SOX21: variants seen among roughly 807,000 people sequenced by gnomAD.
SOX21 encodes the protein SRY-box transcription factor 21, also known as transcription factor SOX-21.
For synonymous variants in SOX21, 237 were observed against 189.7 expected (o/e 1.25, Z -2.05); for missense variants, 370 against 388.8 (o/e 0.95, Z 0.41).
chr13:94,712,261 G>C lies in SOX21; in HGVS notation c.-212C>G. On this transcript the variant is annotated 5_prime_UTR_variant, in exon 1 of 1. Coordinates refer to ENST00000376945, the MANE Select transcript of SOX21 (RefSeq NM_007084.4). This position sits in a 1 kb window ranked among gnomAD's most constrained non-coding sequence, Gnocchi z 5.0. ...CCTTAGTGTCTCCGGCCGAGCGCTC[G>C]AGCAGGTTGTCTCTGGGACACTCTA... is the stretch of plus-strand genomic sequence containing the variant. 1 of 1,218,208 alleles carries C rather than the reference G, an allele frequency of 8.2e-7. No homozygotes were observed. The highest frequency in any genetic ancestry group is 3.3e-4 in the Middle Eastern group (1 of 3,060). 75.5% of individuals were successfully genotyped at this position (1,218,208 alleles called of 1,614,324 possible).
rs1443035834 is a variant in SOX21, at chr13:94,710,758, A to G, written c.*461T>C. On this transcript the variant is annotated 3_prime_UTR_variant, in exon 1 of 1. Transcript: ENST00000376945. ...CAGACCTCACATTTGAACAGCGTGC[A>G]TGCAACACGGACCGGGAGGGGGTTG... 7.2e-6 allele frequency: 1 copy of G among 138,182 alleles called. No homozygotes were observed. The highest frequency in any genetic ancestry group is 2.7e-5 in the African/African-American group (1 of 37,730). 8.6% of individuals were successfully genotyped at this position (138,182 alleles called of 1,614,324 possible).
At position 94,711,243 on chromosome 13, in the gene SOX21, G is replaced by C. The variant is rs1257443160; in HGVS notation, c.807C>G (p.Pro269=). ...GMGKPQLDPY[P]AAYAAAL Reference sequence around the variant, plus strand: ...GTCATAGCGCGGCAGCGTAGGCCGCGGGGTAGGGGTCCAGCTGGGGCTTGC... The same window carrying C: ...GTCATAGCGCGGCAGCGTAGGCCGCCGGGTAGGGGTCCAGCTGGGGCTTGC... The change falls in exon 1 of 1, where the codon CCC becomes CCG. Residue 269 remains proline (P), a synonymous_variant. Transcript: ENST00000376945. The C allele has an allele frequency of 7.3e-7, 1 of 1,362,670 alleles. No individual in the cohort carries two copies. 84.4% of individuals were successfully genotyped at this position (1,362,670 alleles called of 1,614,324 possible).
Position 94,711,887 on chromosome 13 carries a change from G to T in SOX21, c.163C>A (p.Arg55=). 1 of 1,613,972 alleles carries T rather than the reference G, an allele frequency of 6.2e-7. No homozygotes were observed. The change falls in exon 1 of 1, where the codon CGG becomes AGG. Residue 55 remains arginine, a synonymous_variant. Coordinates refer to ENST00000376945, the MANE Select transcript of SOX21 (RefSeq NM_007084.4). ...EWKLLTESEK[R]PFIDEAKRLR... ...CGCTTGGCCTCGTCGATGAACGGCC[G>T]CTTCTCCGACTCTGTGAGCAGTTTC...
Position 94,712,159 on chromosome 13 carries a change from G to C in SOX21, c.-110C>G, listed in dbSNP as rs1875282226. 1.4e-6 allele frequency: 2 copies of C among 1,406,512 alleles called. No homozygotes were observed. The highest frequency in any genetic ancestry group is 1.8e-6 in the Non-Finnish European group (2 of 1,086,196). 87.1% of individuals were successfully genotyped at this position (1,406,512 alleles called of 1,614,324 possible). ...AGACCCGCTCGGCCGGCCGGGGCTCGTCGCGCCCCGGCGTCGCTCCCGCCC... is the reference window on the plus strand; with the variant it reads ...AGACCCGCTCGGCCGGCCGGGGCTCCTCGCGCCCCGGCGTCGCTCCCGCCC... On this transcript the variant is annotated 5_prime_UTR_variant, in exon 1 of 1. Transcript: ENST00000376945. The surrounding 1 kb of genome is among the most constrained non-coding windows in gnomAD (Gnocchi z 5.0).
rs1230248131 is a variant in SOX21, at chr13:94,710,042, TGA to T, written c.*1175_*1176del. 2 of 152,140 alleles carry T rather than the reference TGA, an allele frequency of 1.3e-5. No homozygotes were observed. The highest frequency in any genetic ancestry group is 2.1e-4 in the South Asian group (1 of 4,826). 9.4% of individuals were successfully genotyped at this position (152,140 alleles called of 1,614,324 possible). ...TTGGGAGAGAAATGCTAGCTGAAAA[TGA>T]GAGACATCTGTTGAAACAATTCTGT... On this transcript the variant is annotated 3_prime_UTR_variant, in exon 1 of 1. Transcript: ENST00000376945.
chr13:94,711,504 G>C lies in SOX21; in HGVS notation c.546C>G (p.Ile182Met), dbSNP rs1250102263. ...LLDLGSKMAE[I>M]SSSSSGLPYA... ...ACGGGAGGCCGGACGAGGACGACGA[G>C]ATCTCTGCCATTTTGGAGCCCAGGT... Residue 182 changes from isoleucine (I) to methionine (M), a missense_variant, in exon 1 of 1, where the codon ATC becomes ATG. Physicochemically the swap from Ile to Met is conservative, Grantham distance 10 (BLOSUM62 1). Transcript: ENST00000376945. 1 of 1,033,120 alleles carries C rather than the reference G, an allele frequency of 9.7e-7. No individual in the cohort carries two copies. The highest frequency in any genetic ancestry group is 8.4e-5 in the East Asian group (1 of 11,866). 64.0% of individuals were successfully genotyped at this position (1,033,120 alleles called of 1,614,324 possible). A position where few individuals can be genotyped will look rare whatever the true frequency, so the allele number is the denominator to read the frequency against.
Position 94,711,397 on chromosome 13 carries a change from G to A in SOX21, c.653C>T (p.Ala218Val), listed in dbSNP as rs2138617627. ...GTGCGAGTGCGTGTGCCCCCCGGCG[G>A]CGGCGGCCGCCGCTGCAGCCGCCGC... ...AAAAAAAAAAAAGGHTHSHPS... is the reference protein window; with the variant it reads ...AAAAAAAAAAVAGGHTHSHPS... The change falls in exon 1 of 1, where the codon GCC (alanine) becomes GTC (valine). Residue 218 changes from alanine to valine, a missense_variant. By Grantham distance (64) the Ala-to-Val change is moderately conservative (BLOSUM62 0). Transcript: ENST00000376945. The A allele has an allele frequency of 8.2e-7, 1 of 1,224,300 alleles. No individual in the cohort carries two copies. Among genetic ancestry groups the A allele is most frequent in the East Asian group, 3.3e-5 (1 of 30,024 alleles). 75.8% of individuals were successfully genotyped at this position (1,224,300 alleles called of 1,614,324 possible). A position where few individuals can be genotyped will look rare whatever the true frequency, so the allele number is the denominator to read the frequency against.
In SOX21 at chr13:94,711,501, C is replaced by A; in HGVS notation, c.549G>T (p.Ser183=). Residue 183 remains serine (S), a synonymous_variant, in exon 1 of 1, where the codon TCG becomes TCT. Transcript: ENST00000376945. ...LDLGSKMAEI[S]SSSSGLPYAS... ...CGTACGGGAGGCCGGACGAGGACGA[C>A]GAGATCTCTGCCATTTTGGAGCCCA... 3.9e-6 allele frequency: 4 copies of A among 1,034,160 alleles called. No individual in the cohort carries two copies. The highest frequency in any genetic ancestry group is 3.5e-6 in the Non-Finnish European group (3 of 853,712). The allele number at this position is 1,034,160 out of a possible 1,614,324, so 64.1% of individuals were successfully genotyped here.
Position 94,710,957 on chromosome 13 carries a change from A to T in SOX21, c.*262T>A. 1 of 356,972 alleles carries T rather than the reference A, an allele frequency of 2.8e-6. No homozygotes were observed. Among genetic ancestry groups the T allele is most frequent in the Admixed American group, 4.7e-5 (1 of 21,352 alleles). The allele number at this position is 356,972 out of a possible 1,614,324, so 22.1% of individuals were successfully genotyped here. A position where few individuals can be genotyped will look rare whatever the true frequency, so the allele number is the denominator to read the frequency against. Reference sequence around the variant, plus strand: ...AAGCAAACGCCAACTGCTGCCGCACACAACCGCCTGCTTTCGAGTTGGCTG... The same window carrying T: ...AAGCAAACGCCAACTGCTGCCGCACTCAACCGCCTGCTTTCGAGTTGGCTG... On this transcript the variant is annotated 3_prime_UTR_variant, in exon 1 of 1. Coordinates refer to ENST00000376945, the MANE Select transcript of SOX21 (RefSeq NM_007084.4).
rs1164531412 is a variant in SOX21 at position 94,711,043 on chromosome 13, G to T, written c.*176C>A. The T allele has an allele frequency of 7.4e-6, 4 of 538,946 alleles. No homozygotes were observed. Among genetic ancestry groups the T allele is most frequent in the Admixed American group, 9.1e-5 (2 of 21,876 alleles). The allele number at this position is 538,946 out of a possible 1,614,324, so 33.4% of individuals were successfully genotyped here. On this transcript the variant is annotated 3_prime_UTR_variant, in exon 1 of 1. Coordinates refer to ENST00000376945, the MANE Select transcript of SOX21 (RefSeq NM_007084.4). ...CAGGCCTGCTCGCCCGCGCCCTTGC[G>T]CGCTTGGCCACTCCTGCCCCGCCTG...
In SOX21 at chr13:94,712,394, C is replaced by T; in HGVS notation, c.-345G>A. 1 of 1,026,700 alleles carries T rather than the reference C, an allele frequency of 9.7e-7. No homozygotes were observed. Among genetic ancestry groups the T allele is most frequent in the Non-Finnish European group, 1.2e-6 (1 of 858,828 alleles). 63.6% of individuals were successfully genotyped at this position (1,026,700 alleles called of 1,614,324 possible). On this transcript the variant is annotated 5_prime_UTR_variant, in exon 1 of 1. Transcript: ENST00000376945. This position sits in a 1 kb window ranked among gnomAD's most constrained non-coding sequence, Gnocchi z 5.0. ...GTGAGCTCCCCGCAGGTAGCGGCGG[C>T]CGGGCAGAGCGCTCCTCCTCCTCGG...
Position 94,710,395 on chromosome 13 carries a change from A to T in SOX21, c.*824T>A, listed in dbSNP as rs1875200806. On this transcript the variant is annotated 3_prime_UTR_variant, in exon 1 of 1. Transcript: ENST00000376945. The stretch of plus-strand genomic sequence containing the variant: ...AATCCAAGCGAGTGGACTCAGGGAG[A>T]CTTCTAGTAGTTTGTTGTTGTTGTT... The T allele has an allele frequency of 6.6e-6, 1 of 152,560 alleles. No homozygotes were observed. Among genetic ancestry groups the T allele is most frequent in the Non-Finnish European group, 1.5e-5 (1 of 68,032 alleles). The allele number at this position is 152,560 out of a possible 1,614,324, so 9.5% of individuals were successfully genotyped here. A position where few individuals can be genotyped will look rare whatever the true frequency, so the allele number is the denominator to read the frequency against.
At position 94,711,531 on chromosome 13, in the gene SOX21, G is replaced by C. The variant is rs1188312863; in HGVS notation, c.519C>G (p.Leu173=). 3.7e-6 allele frequency: 4 copies of C among 1,095,164 alleles called. No individual in the cohort carries two copies. Among genetic ancestry groups the C allele is most frequent in the Admixed American group, 5.2e-5 (1 of 19,196 alleles). The allele number at this position is 1,095,164 out of a possible 1,614,324, so 67.8% of individuals were successfully genotyped here. ...AAAAGSPYSL[L]DLGSKMAEIS... is the part of the protein sequence containing the mutation. ...TCTCTGCCATTTTGGAGCCCAGGTC[G>C]AGCAGCGAGTAGGGGCTGCCCGCGG... Residue 173 remains leucine, a synonymous_variant, in exon 1 of 1, where the codon CTC becomes CTG. Transcript: ENST00000376945.
In SOX21 at chr13:94,711,551, C is replaced by T; in HGVS notation, c.499G>A (p.Gly167Ser). ...AGGTCGAGCAGCGAGTAGGGGCTGC[C>T]CGCGGCGGCGGCGGCGGCGGCAGCG... ...AAAAAAAAAAGSPYSLLDLGS... is the reference protein window; with the variant it reads ...AAAAAAAAAASSPYSLLDLGS... The change falls in exon 1 of 1, where the codon GGC becomes AGC. Residue 167 changes from glycine to serine, a missense_variant. Gly to Ser is a moderately conservative substitution (Grantham distance 56). Coordinates refer to ENST00000376945, the MANE Select transcript of SOX21 (RefSeq NM_007084.4). 4.1e-6 allele frequency: 4 copies of T among 979,110 alleles called. No individual in the cohort carries two copies. Among genetic ancestry groups the T allele is most frequent in the Admixed American group, 6.7e-5 (1 of 14,934 alleles). 60.7% of individuals were successfully genotyped at this position (979,110 alleles called of 1,614,324 possible). A position where few individuals can be genotyped will look rare whatever the true frequency, so the allele number is the denominator to read the frequency against.
At position 94,712,300 on chromosome 13, in the gene SOX21, G is replaced by A; in HGVS notation, c.-251C>T. 2 of 1,161,868 alleles carry A rather than the reference G, an allele frequency of 1.7e-6. No individual in the cohort carries two copies. Among genetic ancestry groups the A allele is most frequent in the Non-Finnish European group, 1.1e-6 (1 of 945,982 alleles). 72.0% of individuals were successfully genotyped at this position (1,161,868 alleles called of 1,614,324 possible). A position where few individuals can be genotyped will look rare whatever the true frequency, so the allele number is the denominator to read the frequency against. The stretch of plus-strand genomic sequence containing the variant: ...TGGGACACTCTAACTTCTCGGCGGT[G>A]CCCCCTCCCCGCGGCGGCAGTTTGC... On this transcript the variant is annotated 5_prime_UTR_variant, in exon 1 of 1. Transcript: ENST00000376945. This position sits in a 1 kb window ranked among gnomAD's most constrained non-coding sequence, Gnocchi z 5.0.
Position 94,711,172 on chromosome 13 carries a change from A to T in SOX21, c.*47T>A. On this transcript the variant is annotated 3_prime_UTR_variant, in exon 1 of 1. Coordinates refer to ENST00000376945, the MANE Select transcript of SOX21 (RefSeq NM_007084.4). ...GAGGCCGCAGCGCTCGTACCTATAC[A>T]TATGTACACGTGTGCACACCGGTCC... The T allele has an allele frequency of 7.9e-7, 1 of 1,265,860 alleles. No individual in the cohort carries two copies. The highest frequency in any genetic ancestry group is 9.9e-7 in the Non-Finnish European group (1 of 1,007,612). 78.4% of individuals were successfully genotyped at this position (1,265,860 alleles called of 1,614,324 possible). A position where few individuals can be genotyped will look rare whatever the true frequency, so the allele number is the denominator to read the frequency against.
Position 94,711,159 on chromosome 13 carries a change from C to A in SOX21, c.*60G>T. 8.1e-7 allele frequency: 1 copy of A among 1,236,494 alleles called. No homozygotes were observed. The highest frequency in any genetic ancestry group is 3.6e-5 in the South Asian group (1 of 27,662). 76.6% of individuals were successfully genotyped at this position (1,236,494 alleles called of 1,614,324 possible). ...GAGGGCGCACGGGGAGGCCGCAGCG[C>A]TCGTACCTATACATATGTACACGTG... On this transcript the variant is annotated 3_prime_UTR_variant, in exon 1 of 1. Transcript: ENST00000376945.
At position 94,712,173 on chromosome 13, in the gene SOX21, T is replaced by C. The variant is rs1468998767; in HGVS notation, c.-124A>G. The C allele has an allele frequency of 1.4e-6, 2 of 1,379,482 alleles. No individual in the cohort carries two copies. The highest frequency in any genetic ancestry group is 1.9e-6 in the Non-Finnish European group (2 of 1,069,196). The allele number at this position is 1,379,482 out of a possible 1,614,324, so 85.5% of individuals were successfully genotyped here. A position where few individuals can be genotyped will look rare whatever the true frequency, so the allele number is the denominator to read the frequency against. On this transcript the variant is annotated 5_prime_UTR_variant, in exon 1 of 1. Coordinates refer to ENST00000376945, the MANE Select transcript of SOX21 (RefSeq NM_007084.4). This position sits in a 1 kb window ranked among gnomAD's most constrained non-coding sequence, Gnocchi z 5.0. ...GGCCGGGGCTCGTCGCGCCCCGGCG[T>C]CGCTCCCGCCCCGGAGGAGGGGGCT...
rs891345465 is a variant in SOX21, at chr13:94,711,668, C to G, written c.382G>C (p.Glu128Gln). Reference sequence around the variant, plus strand: ...TTCTCGGGATTGGCGAGCAGCGACTCAGGCACCAGGCCGCCGCCCGCCCCC... The same window carrying G: ...TTCTCGGGATTGGCGAGCAGCGACTGAGGCACCAGGCCGCCGCCCGCCCCC... The part of the protein sequence containing the change: ...HAGAGGGLVP[E>Q]SLLANPEKAA... The change falls in exon 1 of 1, where the codon GAG (glutamate) becomes CAG (glutamine). Residue 128 changes from glutamate to glutamine, a missense_variant. Physicochemically the swap from Glu to Gln is conservative, Grantham distance 29. Coordinates refer to ENST00000376945, the MANE Select transcript of SOX21 (RefSeq NM_007084.4). The G allele has an allele frequency of 2.2e-5, 33 of 1,466,942 alleles. No individual in the cohort carries two copies. Among genetic ancestry groups the G allele is most frequent in the Non-Finnish European group, 2.5e-5 (28 of 1,115,352 alleles). The allele number at this position is 1,466,942 out of a possible 1,614,324, so 90.9% of individuals were successfully genotyped here. A position where few individuals can be genotyped will look rare whatever the true frequency, so the allele number is the denominator to read the frequency against.
Sources: allele counts gnomAD v4.1 joint callset, GRCh38; gene constraint gnomAD v4.1.1; non-coding constraint Gnocchi (gnomAD v3.1); transcripts MANE v1.5; gene names NCBI Gene and HGNC (gene_info 2026-07-23, HGNC 2026-07-21).